Variants in C16orf92 observed in about 807,000 individuals in gnomAD.
C16orf92 encodes fertilization-influencing membrane protein 1.
In C16orf92, 14 loss-of-function variants were observed where a neutral mutation model predicts 13.7. The observed-to-expected ratio is 1.02, with a 90% CI of 0.67 to 1.60. The LOEUF is 1.60. Among genes scored for constraint, C16orf92 ranks in the 40% most tolerant of loss-of-function variants. C16orf92 has a pLI of 0.00. For missense variants in C16orf92, 116 were observed against 139.0 expected, an observed-to-expected ratio of 0.83 and a Z score of 0.83; for synonymous variants, 50 against 57.4, an observed-to-expected ratio of 0.87 and a Z score of 0.58.
At chr16:30,026,712 G>T (rs763015790), downstream of C16orf92, 11 of 1,613,996 alleles carry the variant, frequency 6.8e-6, no homozygotes, top group Non-Finnish European at 9.3e-6. Flanking sequence ...GCTGCCCGGG[G>T]CTCTGGCCGC....
Position 30,024,240 on chromosome 16 carries a change from G to C in C16orf92, c.*13G>C. 1 of 1,613,556 alleles carries C rather than the reference G, an allele frequency of 6.2e-7. No homozygotes were observed. The highest frequency in any genetic ancestry group is 8.5e-7 in the Non-Finnish European group (1 of 1,179,542). ...GAAAGGGGCCTAAAGAGCCGGACAAGGGCTCTGGACTCAACCTGAGCACCC... is the reference window on the plus strand; with the variant it reads ...GAAAGGGGCCTAAAGAGCCGGACAACGGCTCTGGACTCAACCTGAGCACCC... On this transcript the variant is annotated 3_prime_UTR_variant, in exon 4 of 4. Transcript: ENST00000681219.
At chr16:30,026,167 G>A (rs1220924710), downstream of C16orf92, among the ~76,000 whole-genome samples, 8 of 150,716 alleles carry the variant, frequency 5.3e-5, no homozygotes, top group Non-Finnish European at 8.9e-5. Flanking sequence ...CTCAGGAGGC[G>A]GAGGTTTCAG....
downstream of C16orf92, chr16:30,026,877 G>T: frequency 6.4e-7 from 1 of 1,568,700 alleles, no homozygotes; most frequent in South Asian, 1.1e-5. Context: ...GGGGAGCAAG[G>T]AGGAAAGGGG....
At chr16:30,026,102 G>A (rs917862826), downstream of C16orf92, among the ~76,000 whole-genome samples, 2 of 152,196 alleles carry the variant, frequency 1.3e-5, no homozygotes, top group Non-Finnish European at 2.9e-5. Context: ...AGGCGTGTTG[G>A]TGGGCACCTG....
At position 30,024,475 on chromosome 16, in the gene C16orf92, C is replaced by CA. The variant is rs2070998872; in HGVS notation, c.*249dup. The CA allele has an allele frequency of 3.5e-6, 2 of 574,766 alleles. No individual in the cohort carries two copies. The highest frequency in any genetic ancestry group is 6.1e-6 in the Non-Finnish European group (2 of 328,144). 35.6% of individuals were successfully genotyped at this position (574,766 alleles called of 1,614,324 possible). On this transcript the variant is annotated 3_prime_UTR_variant, in exon 4 of 4. Transcript: ENST00000681219. The stretch of plus-strand genomic sequence containing the variant: ...TATTAGCGGTCTGTAAAGCACCTCC[C>CA]AGGGTCCCCCGACCCCAGATTGGAG...
At position 30,024,353 on chromosome 16, in the gene C16orf92, C is replaced by G; in HGVS notation, c.*126C>G. On this transcript the variant is annotated 3_prime_UTR_variant, in exon 4 of 4. Coordinates refer to ENST00000681219, the MANE Select transcript of C16orf92 (RefSeq NM_001109659.2). ...AGCGAGCAGCTGGGGATCCTGTCCC[C>G]TCTGTTTCCCATGGCCCAAGCCCCC... 7.6e-7 allele frequency: 1 copy of G among 1,314,844 alleles called. No homozygotes were observed. The highest frequency in any genetic ancestry group is 2.5e-5 in the East Asian group (1 of 40,390). 81.4% of individuals were successfully genotyped at this position (1,314,844 alleles called of 1,614,324 possible).
Position 30,024,338 on chromosome 16 carries a change from T to C in C16orf92, c.*111T>C, listed in dbSNP as rs1453626586. 1.4e-6 allele frequency: 2 copies of C among 1,400,600 alleles called. No individual in the cohort carries two copies. Among genetic ancestry groups the C allele is most frequent in the Non-Finnish European group, 2.0e-6 (2 of 1,019,660 alleles). 86.8% of individuals were successfully genotyped at this position (1,400,600 alleles called of 1,614,324 possible). On this transcript the variant is annotated 3_prime_UTR_variant, in exon 4 of 4. Coordinates refer to ENST00000681219, the MANE Select transcript of C16orf92 (RefSeq NM_001109659.2). The stretch of plus-strand genomic sequence containing the variant: ...CCTCCCTGACTGCCCAGCGAGCAGC[T>C]GGGGATCCTGTCCCCTCTGTTTCCC...
chr16:30,025,878 C>T, downstream of C16orf92: 5 of 1,364,938 alleles, frequency 3.7e-6, no homozygotes, highest in African/African-American at 1.4e-5. This position sits in a 1 kb window ranked among gnomAD's most constrained non-coding sequence, Gnocchi z 4.1. Flanking sequence ...TCTTGGGCAG[C>T]CCCCGCCCTT....
downstream of C16orf92, chr16:30,027,056 C>G: frequency 3.0e-6 from 2 of 671,126 alleles, no homozygotes; most frequent in Non-Finnish European, 5.5e-6. Flanking sequence ...CCTGTGGTCT[C>G]AGAACTCACC....
chr16:30,023,445 C>T, intron 1 of C16orf92, 41 bp downstream of exon 1: 1 of 1,590,792 alleles, frequency 6.3e-7, no homozygotes, highest in Non-Finnish European at 8.6e-7. Flanking sequence ...GCAGGCAGCT[C>T]TGGGAGCATA....
At chr16:30,026,240 G>GA (rs897903289), downstream of C16orf92, among the ~76,000 whole-genome samples, 4 of 150,060 alleles carry the variant, frequency 2.7e-5, no homozygotes, top group African/African-American at 7.4e-5. Context: ...GTCTTGGAAA[G>GA]AAAAAAAAGA....
At chr16:30,027,444 G>A (rs2071197155), downstream of C16orf92, among the ~76,000 whole-genome samples, 1 of 152,218 alleles carries the variant, frequency 6.6e-6, no homozygotes, top group African/African-American at 2.4e-5. Flanking sequence ...AGGGACATGG[G>A]CGGTGTGGCT....
downstream of C16orf92, chr16:30,025,377 G>A: frequency 5.0e-6 from 8 of 1,608,400 alleles, no homozygotes; most frequent in East Asian, 2.2e-5. The surrounding 1 kb of genome is among the most constrained non-coding windows in gnomAD (Gnocchi z 4.1). Flanking sequence ...GCCCAGTACA[G>A]GTAGGGAAAG....
At chr16:30,026,541 C>T (rs189318430), downstream of C16orf92, 514 of 1,420,628 alleles carry the variant, frequency 3.6e-4, 1 homozygote, top group African/African-American at 6.3e-3. Context: ...TCCCAGGCTC[C>T]TGCCAGCACC....
chr16:30,024,815 G>A (rs750486665), downstream of C16orf92: 8 of 234,060 alleles, frequency 3.4e-5, no homozygotes, highest in Admixed American at 5.3e-5. Flanking sequence ...GGGAGCCCTG[G>A]GGGATGGCAG....
At chr16:30,025,169 C>T, downstream of C16orf92, 1 of 1,432,034 alleles carries the variant, frequency 7.0e-7, no homozygotes, top group African/African-American at 1.5e-5. This position sits in a 1 kb window ranked among gnomAD's most constrained non-coding sequence, Gnocchi z 4.1. Flanking sequence ...GGGGGAGGGT[C>T]CCGGCCCCCG....
downstream of C16orf92, chr16:30,025,757 G>A: frequency 6.2e-7 from 1 of 1,614,136 alleles, no homozygotes; most frequent in Non-Finnish European, 8.5e-7. This position sits in a 1 kb window ranked among gnomAD's most constrained non-coding sequence, Gnocchi z 4.1. Flanking sequence ...GCAGACGAAG[G>A]GCGTGCTGAC....
rs766976985 is a variant in C16orf92, at chr16:30,024,156, T to A, written c.312-50T>A. On this transcript the variant is annotated intron_variant, in intron 3 of 3. Transcript: ENST00000681219. ...CTTGGGAGCGGCTGAAGACCCCAGT[T>A]CTAGCGGGGCAGGCTGTGACCTCTC... 3.1e-6 allele frequency: 5 copies of A among 1,612,198 alleles called. No homozygotes were observed. In the East Asian group the frequency reaches 1.1e-4, roughly 36 times the overall value.
downstream of C16orf92, chr16:30,026,866 G>A: frequency 6.2e-7 from 1 of 1,600,792 alleles, no homozygotes; most frequent in Non-Finnish European, 8.5e-7. Context: ...GAGACGGGGT[G>A]GGGGAGCAAG....
Sources: gnomAD v4.1 joint callset for allele counts (sites outside exome capture counted in the v4.1 genomes callset) on GRCh38, gnomAD v4.1.1 for gene constraint, Gnocchi (gnomAD v3.1) non-coding constraint, MANE v1.5 for transcripts, NCBI Gene and HGNC (gene_info 2026-07-23, HGNC 2026-07-21) for gene names.